Variants in SIDT1 observed in about 807,000 individuals in gnomAD.
The protein encoded by SIDT1 is SID1 transmembrane family member 1.
In SIDT1, 101 loss-of-function variants were observed where a neutral mutation model predicts 107.5. The observed-to-expected ratio is 0.94, with a 90% CI of 0.80 to 1.11. The LOEUF (loss-of-function observed/expected upper bound fraction) is 1.11. SIDT1 is among the 50% of genes least tolerant of loss of function. The pLI, the probability that SIDT1 is intolerant of heterozygous loss-of-function variation, is 0.00. For synonymous variants in SIDT1, 395 were observed against 398.2 expected (o/e 0.99, Z 0.10); for missense variants, 1,076 against 1,058.2 (o/e 1.02, Z -0.23).
intron 1 of SIDT1, among the ~76,000 whole-genome samples, chr3:113,535,683 A>T (rs780140494): frequency 5.3e-5 from 8 of 152,206 alleles, no homozygotes; most frequent in Non-Finnish European, 1.2e-4. Flanking sequence ...GGAACAGGAG[A>T]TAACAAGAAT....
At chr3:113,535,963 T>C (rs1559997482) in intron 1 of SIDT1, among the ~76,000 whole-genome samples, 1 of 152,212 alleles carries the variant, frequency 6.6e-6, no homozygotes, top group Non-Finnish European at 1.5e-5. Context: ...AGCAGCCCCT[T>C]CTTGCAGGTA....
intron 10 of SIDT1, among the ~76,000 whole-genome samples, chr3:113,597,357 C>T (rs949455380): frequency 2.0e-5 from 3 of 151,942 alleles, no homozygotes; most frequent in African/African-American, 7.3e-5. Context: ...ATTAGCCGCA[C>T]ATGGTGGCAT....
At chr3:113,590,487 G>T (rs1422694279) in intron 9 of SIDT1, among the ~76,000 whole-genome samples, 1 of 152,100 alleles carries the variant, frequency 6.6e-6, no homozygotes, top group Non-Finnish European at 1.5e-5. Context: ...ACAATTCATA[G>T]ACCATAAAAT....
intron 10 of SIDT1, among the ~76,000 whole-genome samples, chr3:113,597,674 A>G (rs1944671013): frequency 6.6e-6 from 1 of 152,146 alleles, no homozygotes; most frequent in Non-Finnish European, 1.5e-5. Context: ...TCCTCACATA[A>G]GGCATTTACC....
chr3:113,545,007 C>T (rs1185464448), intron 1 of SIDT1, among the ~76,000 whole-genome samples: 5 of 150,276 alleles, frequency 3.3e-5, no homozygotes, highest in Non-Finnish European at 7.4e-5. Flanking sequence ...CCCAGCTACT[C>T]AGGAGGCTGA....
intron 10 of SIDT1, among the ~76,000 whole-genome samples, chr3:113,595,154 T>C (rs1008774159): frequency 2.0e-5 from 3 of 152,208 alleles, no homozygotes; most frequent in Admixed American, 1.3e-4. Flanking sequence ...AACTCAATAT[T>C]ATTGACATCA....
intron 20 of SIDT1, among the ~76,000 whole-genome samples, chr3:113,618,845 G>T (rs1310179100): frequency 6.6e-6 from 1 of 152,080 alleles, no homozygotes; most frequent in Non-Finnish European, 1.5e-5. Context: ...TTTATTTTGG[G>T]ACAGAGTCTT....
chr3:113,619,279 G>T (rs1197059021), intron 20 of SIDT1, among the ~76,000 whole-genome samples: 1 of 152,150 alleles, frequency 6.6e-6, no homozygotes, highest in Admixed American at 6.5e-5. Flanking sequence ...AGTTGCAATA[G>T]TGGCTACCAA....
At chr3:113,585,385 A>G (rs1031609832) in intron 9 of SIDT1, 115 bp downstream of exon 9, 11 of 781,412 alleles carry the variant, frequency 1.4e-5, no homozygotes, top group African/African-American at 1.2e-4. Context: ...GCCACTAGCA[A>G]TGTGACCTTG....
In SIDT1 at chr3:113,533,120, G is replaced by C. The variant is rs771678733; in HGVS notation, c.99G>C (p.Pro33=). 18 of 1,553,782 alleles carry C rather than the reference G, an allele frequency of 1.2e-5. No homozygotes were observed. The highest frequency in any genetic ancestry group is 9.6e-5 in the Admixed American group (5 of 51,840). Residue 33 remains proline, a synonymous_variant, in exon 1 of 25, where the codon CCG becomes CCC. Transcript: ENST00000264852. ...CGGCGAAATCCCCCAGGCAGCCCCCGGCACCGCGCCGCGACCCCTTCGACG... is the reference window on the plus strand; with the variant it reads ...CGGCGAAATCCCCCAGGCAGCCCCCCGCACCGCGCCGCGACCCCTTCGACG... ...GHPAKSPRQP[P]APRRDPFDAA...
intron 1 of SIDT1, among the ~76,000 whole-genome samples, chr3:113,545,368 C>A (rs1411840507): frequency 6.6e-6 from 1 of 151,962 alleles, no homozygotes; most frequent in East Asian, 1.9e-4. Flanking sequence ...TTACTTATTT[C>A]TTTTATTTAT....
At chr3:113,636,259 C>T in the SIDT1 span, among the ~76,000 whole-genome samples, 1 of 151,996 alleles carries the variant, frequency 6.6e-6, no homozygotes, top group Non-Finnish European at 1.5e-5. Context: ...ATATAATTAG[C>T]TCGTGTGATG....
chr3:113,594,429 T>C (rs987082744), intron 10 of SIDT1, among the ~76,000 whole-genome samples: 5 of 152,228 alleles, frequency 3.3e-5, no homozygotes, highest in Admixed American at 1.3e-4. Context: ...CTCCAAGTTT[T>C]GTGATTAGTT....
At chr3:113,636,863 G>T in the SIDT1 span, among the ~76,000 whole-genome samples, 1 of 152,206 alleles carries the variant, frequency 6.6e-6, no homozygotes, top group Non-Finnish European at 1.5e-5. Context: ...AGTCTCACAT[G>T]CAGGAGAGGC....
chr3:113,570,821 T>C (rs1351395297), intron 3 of SIDT1, among the ~76,000 whole-genome samples: 1 of 152,218 alleles, frequency 6.6e-6, no homozygotes, highest in African/African-American at 2.4e-5. Context: ...ATAATGTATA[T>C]GGAACACATT....
chr3:113,608,730 A>G (rs373674159), intron 17 of SIDT1, among the ~76,000 whole-genome samples, 194 bp downstream of exon 17: 1 of 152,186 alleles, frequency 6.6e-6, no homozygotes. Flanking sequence ...GTTATGGAGA[A>G]CCCAATTTAT....
chr3:113,590,804 A>T (rs1944090652), intron 9 of SIDT1, among the ~76,000 whole-genome samples: 1 of 152,250 alleles, frequency 6.6e-6, no homozygotes, highest in African/African-American at 2.4e-5. Flanking sequence ...TCATTGAAAT[A>T]AATTAAAGGA....
chr3:113,579,644 T>C (rs1943178491), intron 4 of SIDT1, among the ~76,000 whole-genome samples: 1 of 152,224 alleles, frequency 6.6e-6, no homozygotes, highest in African/African-American at 2.4e-5. Flanking sequence ...ATTTTTATTG[T>C]CCTGGTACTC....
intron 24 of SIDT1, among the ~76,000 whole-genome samples, chr3:113,626,695 C>G (rs907998474): frequency 2.6e-5 from 4 of 152,154 alleles, no homozygotes; most frequent in Admixed American, 2.0e-4. Context: ...CAGTCTGTCC[C>G]AAATCTCTCC....
Sources: gnomAD v4.1 joint callset for allele counts (sites outside exome capture counted in the v4.1 genomes callset) on GRCh38, gnomAD v4.1.1 for gene constraint, MANE v1.5 for transcripts, NCBI Gene and HGNC (gene_info 2026-07-23, HGNC 2026-07-21) for gene names.